Variants in ZRANB3 observed in about 807,000 individuals in gnomAD.
The protein encoded by ZRANB3 is DNA annealing helicase and endonuclease ZRANB3.
In ZRANB3, 125 loss-of-function variants were observed where a neutral mutation model predicts 133.8. The observed-to-expected ratio is 0.93, with a 90% CI of 0.81 to 1.08. The LOEUF (loss-of-function observed/expected upper bound fraction) is 1.08. ZRANB3 is among the 50% of genes least tolerant of loss of function. The probability of loss-of-function intolerance (pLI) is 0.00; values close to 1 mark genes in which losing one functional copy is unlikely to be tolerated. For missense variants in ZRANB3, 1,229 were observed against 1,275.5 expected, an observed-to-expected ratio of 0.96 and a Z score of 0.56; for synonymous variants, 387 against 432.7, an observed-to-expected ratio of 0.89 and a Z score of 1.31.
At position 135,356,907 on chromosome 2, in the gene ZRANB3, C is replaced by T. The variant is rs564886785; in HGVS notation, c.181-3279G>A. Among the ~76,000 whole-genome samples the T allele has an allele frequency of 7.4e-4, 112 of 152,146 alleles. 1 individual carries two copies. Among genetic ancestry groups the T allele is most frequent in the Admixed American group, 1.5e-3 (23 of 15,264 alleles). On this transcript the variant is annotated intron_variant, in intron 3 of 20. Coordinates refer to ENST00000264159, the MANE Select transcript of ZRANB3 (RefSeq NM_032143.4). ...ACTTTTTGGGCAGGCTGGTCTCGAA[C>T]TCCTGAGCTCAAGCGATCCACCTAC...
intron 5 of ZRANB3, among the ~76,000 whole-genome samples, chr2:135,349,355 G>A (rs1043429161): frequency 9.2e-5 from 14 of 152,284 alleles, no homozygotes; most frequent in African/African-American, 3.1e-4. Context: ...TTAGTAAACA[G>A]AGCCTCCTTA....
intron 2 of ZRANB3, among the ~76,000 whole-genome samples, chr2:135,490,170 C>A (rs942319689): frequency 6.6e-6 from 1 of 152,074 alleles, no homozygotes; most frequent in Non-Finnish European, 1.5e-5. Context: ...TAAAGTGGGC[C>A]TGAGGAATTT....
intron 8 of ZRANB3, among the ~76,000 whole-genome samples, chr2:135,279,579 T>TA (rs57201038): frequency 0.1 from 15,872 of 152,176 alleles, 1,088 homozygotes; most frequent in South Asian, 0.32. Context: ...AGTCCAGACT[T>TA]ACAAACTATA....
intron 2 of ZRANB3, among the ~76,000 whole-genome samples, chr2:135,488,653 C>A (rs1021009436): frequency 2.7e-5 from 4 of 150,592 alleles, no homozygotes; most frequent in African/African-American, 9.8e-5. Flanking sequence ...ATGCAAAGCA[C>A]AATTTGTAAA....
Position 135,207,629 on chromosome 2 carries a change from C to T in ZRANB3, c.2814G>A (p.Leu938=), listed in dbSNP as rs779870958. 1.2e-6 allele frequency: 2 copies of T among 1,614,046 alleles called. No individual in the cohort carries two copies. The highest frequency in any genetic ancestry group is 3.3e-4 in the Middle Eastern group (2 of 6,062). Residue 938 remains leucine (L), a synonymous_variant, in exon 19 of 21, where the codon CTG becomes CTA. Coordinates refer to ENST00000264159, the MANE Select transcript of ZRANB3 (RefSeq NM_032143.4). The part of the protein sequence containing the change: ...ANSWDSRFCS[L]KCQEEFWIRS... ...GAATCCAAAACTCTTCCTGACATTT[C>T]AGAGAGCAAAACCGTGAATCCCAAG...
At chr2:135,253,765 A>T (rs976227074) in intron 12 of ZRANB3, among the ~76,000 whole-genome samples, 1 of 152,190 alleles carries the variant, frequency 6.6e-6, no homozygotes, top group Non-Finnish European at 1.5e-5. Context: ...TTATAACCTT[A>T]TGAGACTTCC....
chr2:135,334,491 C>A (rs1561277), intron 6 of ZRANB3, among the ~76,000 whole-genome samples: 87,879 of 152,062 alleles, frequency 0.58, 30,916 homozygotes, highest in East Asian at 1. Context: ...AACCATTTGC[C>A]AATGGAATAG....
At chr2:135,514,589 A>C (rs879056737) in intron 1 of ZRANB3, among the ~76,000 whole-genome samples, 2 of 152,126 alleles carry the variant, frequency 1.3e-5, no homozygotes, top group Non-Finnish European at 2.9e-5. Context: ...ATCTGCAAAC[A>C]GACAATTTGA....
rs201804119 is a variant in ZRANB3 at position 135,265,515 on chromosome 2, G to A, written c.1539+19C>T. ...AGGATACTAAAAAAAATAGAAAAGA[G>A]TAAGGCATATAATCTTACGTGAGTG... On this transcript the variant is annotated intron_variant, in intron 12 of 20. Transcript: ENST00000264159. 88 of 1,587,526 alleles carry A rather than the reference G, an allele frequency of 5.5e-5. No individual in the cohort carries two copies. In the African/African-American group the frequency reaches 9.6e-4, roughly 17 times the overall value.
chr2:135,481,566 G>T (rs1293356774), intron 2 of ZRANB3, among the ~76,000 whole-genome samples: 1 of 151,904 alleles, frequency 6.6e-6, no homozygotes, highest in African/African-American at 2.4e-5. Flanking sequence ...TTTGTAGGTT[G>T]CCTGTTCACT....
chr2:135,264,974 C>A (rs949180664), intron 12 of ZRANB3, among the ~76,000 whole-genome samples: 3 of 152,114 alleles, frequency 2.0e-5, no homozygotes, highest in Admixed American at 6.6e-5. Flanking sequence ...GTCTCAAACT[C>A]CTGACCTCAG....
chr2:135,521,036 G>A (rs1236221506), intron 1 of ZRANB3, among the ~76,000 whole-genome samples: 2 of 152,132 alleles, frequency 1.3e-5, no homozygotes, highest in African/African-American at 2.4e-5. Context: ...AAGAAGTCTT[G>A]AAATTCTCAA....
At chr2:135,205,819 T>C (rs947793315) in intron 19 of ZRANB3, among the ~76,000 whole-genome samples, 1 of 152,224 alleles carries the variant, frequency 6.6e-6, no homozygotes, top group Non-Finnish European at 1.5e-5. Context: ...TGAGTGTATA[T>C]ACACATACAT....
intron 2 of ZRANB3, among the ~76,000 whole-genome samples, chr2:135,429,143 A>T (rs1225614258): frequency 6.6e-6 from 1 of 152,252 alleles, no homozygotes. Context: ...CTAAATGCCC[A>T]TCAACAACAG....
intron 2 of ZRANB3, among the ~76,000 whole-genome samples, chr2:135,395,638 A>G (rs960568514): frequency 9.2e-5 from 14 of 151,932 alleles, no homozygotes; most frequent in Non-Finnish European, 2.1e-4. Context: ...TTGTATTTCT[A>G]GTTGAGACGG....
At chr2:135,471,432 CAAATT>C (rs1276386470) in intron 2 of ZRANB3, among the ~76,000 whole-genome samples, 1 of 152,078 alleles carries the variant, frequency 6.6e-6, no homozygotes, top group Admixed American at 6.5e-5. Flanking sequence ...TGCAAACAAC[CAAATT>C]ATTACTATGT....
intron 3 of ZRANB3, among the ~76,000 whole-genome samples, chr2:135,372,695 G>T (rs1445189816): frequency 6.6e-6 from 1 of 151,408 alleles, no homozygotes; most frequent in African/African-American, 2.4e-5. Context: ...GCTGAGGCAG[G>T]AGAATGGTGT....
At chr2:135,353,250 T>C in intron 4 of ZRANB3, 200 bp downstream of exon 4, 1 of 318,424 alleles carries the variant, frequency 3.1e-6, no homozygotes. Flanking sequence ...AAATATACCA[T>C]AAAGGAACTT....
intron 9 of ZRANB3, 64 bp from the exon 10 acceptor site, chr2:135,271,951 T>C: frequency 1.4e-6 from 2 of 1,430,504 alleles, no homozygotes; most frequent in Non-Finnish European, 1.8e-6. Context: ...TCATTTTATA[T>C]ATTTTACAGC....
Sources: allele counts gnomAD v4.1 joint callset (sites outside exome capture counted in the v4.1 genomes callset), GRCh38; gene constraint gnomAD v4.1.1; transcripts MANE v1.5; gene names NCBI Gene and HGNC (gene_info 2026-07-23, HGNC 2026-07-21).